Variants in PXDN observed in about 807,000 individuals in gnomAD.
PXDN encodes the protein peroxidasin.
In PXDN, 77 loss-of-function variants were observed where a neutral mutation model predicts 140.3. That is an observed-to-expected ratio of 0.55 (90% confidence interval 0.46 to 0.66). The LOEUF is 0.66. Ranked by LOEUF, PXDN falls within the 30% of genes least tolerant of loss-of-function variation. The pLI is 0.00. For missense variants in PXDN, 1,838 were observed against 2,039.5 expected (o/e 0.90, Z 1.90); for synonymous variants, 911 against 857.4 (o/e 1.06, Z -1.09).
At chr2:1,674,954 C>A (rs1051799160) in intron 8 of PXDN, among the ~76,000 whole-genome samples, 1 of 152,184 alleles carries the variant, frequency 6.6e-6, no homozygotes, top group Non-Finnish European at 1.5e-5. Flanking sequence ...AAGCACTTCC[C>A]CATGACCGCC....
In PXDN at chr2:1,731,152, G is replaced by GCGCACACACACA. The variant is rs1553371240; in HGVS notation, c.200+13103_200+13104insTGTGTGTGTGCG. On this transcript the variant is annotated intron_variant, in intron 1 of 22. Coordinates refer to ENST00000252804, the MANE Select transcript of PXDN (RefSeq NM_012293.3). Reference sequence around the variant, plus strand: ...ACAGAACACTGTTGAGAGCGCGCGCGCACACACACACACACACACACACAC... The same window carrying GCGCACACACACA: ...ACAGAACACTGTTGAGAGCGCGCGCGCGCACACACACACACACACACACACACACACACACAC... Among the ~76,000 whole-genome samples the GCGCACACACACA allele has an allele frequency of 1.6e-3, 212 of 136,054 alleles. 2 individuals carry two copies. Among genetic ancestry groups the GCGCACACACACA allele is most frequent in the African/African-American group, 5.6e-3 (204 of 36,266 alleles). The allele number at this position is 136,054 out of a possible 152,430, so 89.3% of individuals were successfully genotyped here.
intron 7 of PXDN, among the ~76,000 whole-genome samples, chr2:1,677,712 G>A (rs28668095): frequency 0.33 from 49,977 of 152,076 alleles, 8,722 homozygotes; most frequent in South Asian, 0.39. Context: ...CTCCAGGCCC[G>A]CACAGGGAGC....
chr2:1,656,833 C>G (rs1683147964), intron 14 of PXDN, among the ~76,000 whole-genome samples: 1 of 150,316 alleles, frequency 6.7e-6, no homozygotes, highest in South Asian at 2.1e-4. Flanking sequence ...GGACCGAAAC[C>G]TGTACCCTCT....
chr2:1,712,700 C>G (rs1156333122), intron 1 of PXDN, among the ~76,000 whole-genome samples: 1 of 152,174 alleles, frequency 6.6e-6, no homozygotes, highest in East Asian at 1.9e-4. Context: ...GAGACTTGGG[C>G]AGGGAAACCG....
chr2:1,740,965 G>A (rs1314695656), intron 1 of PXDN, among the ~76,000 whole-genome samples: 1 of 152,190 alleles, frequency 6.6e-6, no homozygotes, highest in African/African-American at 2.4e-5. Context: ...TCCAATGTCA[G>A]GGTTTCTGTC....
At chr2:1,659,879 T>C (rs1360505001) in intron 14 of PXDN, among the ~76,000 whole-genome samples, 2 of 152,084 alleles carry the variant, frequency 1.3e-5, no homozygotes, top group African/African-American at 4.8e-5. Flanking sequence ...TGAGTGGGGG[T>C]CACTCTTCCT....
At chr2:1,724,818 C>CA (rs1685138528) in intron 1 of PXDN, among the ~76,000 whole-genome samples, 1 of 152,124 alleles carries the variant, frequency 6.6e-6, no homozygotes, top group East Asian at 1.9e-4. Context: ...GTTCTCCTTT[C>CA]TTAAGATTGC....
chr2:1,697,345 TC>T (rs1350785378), intron 1 of PXDN, among the ~76,000 whole-genome samples: 1 of 152,194 alleles, frequency 6.6e-6, no homozygotes, highest in African/African-American at 2.4e-5. Context: ...CCACGTCTGA[TC>T]CTTAGCTTAC....
rs117914830 is a variant in PXDN at position 1,673,740 on chromosome 2, T to C, written c.921A>G (p.Thr307=). The C allele has an allele frequency of 3.0e-4, 479 of 1,614,024 alleles. 6 individuals carry two copies. The East Asian group carries it at 8.5e-3, about 29-fold the overall frequency. Reference sequence around the variant, plus strand: ...GGTAGATACCCTGGTCTGTCTCCTGTGTGTTCTGGATCATCAGGGTCCCAT... The same window carrying C: ...GGTAGATACCCTGGTCTGTCTCCTGCGTGTTCTGGATCATCAGGGTCCCAT... ...LDDGTLMIQN[T]QETDQGIYQC... The change falls in exon 9 of 23, where the codon ACA becomes ACG. Residue 307 remains threonine (T), a synonymous_variant. Coordinates refer to ENST00000252804, the MANE Select transcript of PXDN (RefSeq NM_012293.3).
At chr2:1,741,677 A>C (rs1321251961) in intron 1 of PXDN, among the ~76,000 whole-genome samples, 2 of 152,176 alleles carry the variant, frequency 1.3e-5, no homozygotes, top group Non-Finnish European at 2.9e-5. Flanking sequence ...TGAGTCTCTA[A>C]AAGCAAAGGG....
chr2:1,726,358 C>T (rs949835708), intron 1 of PXDN, among the ~76,000 whole-genome samples: 1 of 143,198 alleles, frequency 7.0e-6, no homozygotes, highest in African/African-American at 2.6e-5. Context: ...TATTCTCACT[C>T]ATAGGTGGGA....
intron 1 of PXDN, among the ~76,000 whole-genome samples, chr2:1,741,083 GGGAA>G (rs1265933911): frequency 2.0e-4 from 30 of 152,264 alleles, no homozygotes; most frequent in African/African-American, 7.0e-4. Flanking sequence ...GGCGGCTCCA[GGGAA>G]GAGAGGAAGG....
intron 1 of PXDN, among the ~76,000 whole-genome samples, chr2:1,741,429 G>C (rs966427439): frequency 1.3e-5 from 2 of 152,112 alleles, no homozygotes; most frequent in Admixed American, 1.3e-4. Flanking sequence ...GCAGCACAGG[G>C]CGCGGGCTCC....
chr2:1,696,337 AC>A (rs1204688093), intron 1 of PXDN, among the ~76,000 whole-genome samples: 1 of 152,246 alleles, frequency 6.6e-6, no homozygotes, highest in African/African-American at 2.4e-5. Context: ...CAGCAGTTAG[AC>A]CTCCCACCAT....
chr2:1,744,346 G>T lies in PXDN; in HGVS notation c.110C>A (p.Pro37Gln). Residue 37 changes from proline to glutamine, a missense_variant, in exon 1 of 23, where the codon CCG (proline) becomes CAG (glutamine). This residue lies in a region of PXDN where 231 missense variants were observed against 201.5 expected (regional missense o/e 1.15). Coordinates refer to ENST00000252804, the MANE Select transcript of PXDN (RefSeq NM_012293.3). ...GGTGCGGAAGCACAGGCAGCGGCTC[G>T]GACACCCTGCGCCCGGCTTCTGGGC... ...VVAQKPGAGC[P>Q]SRCLCFRTTV... 1 of 1,527,622 alleles carries T rather than the reference G, an allele frequency of 6.5e-7. No homozygotes were observed. The highest frequency in any genetic ancestry group is 1.9e-4 in the Middle Eastern group (1 of 5,286). 94.6% of individuals were successfully genotyped at this position (1,527,622 alleles called of 1,614,324 possible). A position where few individuals can be genotyped will look rare whatever the true frequency, so the allele number is the denominator to read the frequency against.
intron 17 of PXDN, among the ~76,000 whole-genome samples, chr2:1,645,451 C>CAT (rs1356220084): frequency 6.6e-6 from 1 of 152,096 alleles, no homozygotes; most frequent in Non-Finnish European, 1.5e-5. Flanking sequence ...CGATTTTTAA[C>CAT]ATATATATAT....
At chr2:1,661,808 A>T (rs889082872) in intron 13 of PXDN, among the ~76,000 whole-genome samples, 3 of 152,206 alleles carry the variant, frequency 2.0e-5, no homozygotes, top group Admixed American at 2.0e-4. Flanking sequence ...GAATGCTCCA[A>T]GTTTGTTTTG....
At chr2:1,653,368 T>C in intron 16 of PXDN, 1 of 501,256 alleles carries the variant, frequency 2.0e-6, no homozygotes, top group South Asian at 1.9e-5. Flanking sequence ...CATAACCCAC[T>C]CAGGGCAGGT....
chr2:1,717,963 C>T lies in PXDN; in HGVS notation c.201-24829G>A, dbSNP rs141146872. On this transcript the variant is annotated intron_variant, in intron 1 of 22. Transcript: ENST00000252804. The stretch of plus-strand genomic sequence containing the variant: ...ACCCAAACCTGCTCTACCCACTAAC[C>T]GACCACCCAAAGCTATTCGACTAAC... Among the ~76,000 whole-genome samples the T allele has an allele frequency of 1.3e-4, 19 of 150,002 alleles. No individual in the cohort carries two copies. In the East Asian group the frequency reaches 2.4e-3, roughly 19 times the overall value.
Sources: allele counts gnomAD v4.1 joint callset (sites outside exome capture counted in the v4.1 genomes callset), GRCh38; gene constraint gnomAD v4.1.1; regional missense constraint gnomAD v4.1.1; transcripts MANE v1.5; gene names NCBI Gene and HGNC (gene_info 2026-07-23, HGNC 2026-07-21).